MEF2C: variants seen among roughly 807,000 people sequenced by gnomAD.
MEF2C encodes the protein myocyte-specific enhancer factor 2C.
In MEF2C, 6 loss-of-function variants were observed where a neutral mutation model predicts 50.5. The observed-to-expected ratio is 0.12, with a 90% CI of 0.07 to 0.23. The LOEUF (loss-of-function observed/expected upper bound fraction) is 0.23. Ranked by LOEUF, MEF2C falls within the 10% of genes least tolerant of loss-of-function variation. The pLI, the probability that MEF2C is intolerant of heterozygous loss-of-function variation, is 1.00. For missense variants in MEF2C, 276 were observed against 605.0 expected, an observed-to-expected ratio of 0.46 and a Z score of 5.70; for synonymous variants, 183 against 228.0, an observed-to-expected ratio of 0.80 and a Z score of 1.78.
upstream of MEF2C, chr5:88,884,675 C>T (rs1464199991): frequency 6.7e-6 from 1 of 149,984 alleles, no homozygotes; most frequent in Non-Finnish European, 1.5e-5. Context: ...CATTAGGCTA[C>T]CCTAGCCGAT....
chr5:88,743,753 A>C, intron 6 of MEF2C: 1 of 985,384 alleles, frequency 1.0e-6, no homozygotes, highest in Non-Finnish European at 1.2e-6. Flanking sequence ...TGCCACCATC[A>C]ACTCTCCATG....
intron 6 of MEF2C, chr5:88,737,784 A>G (rs1485882224): frequency 1.1e-5 from 11 of 985,436 alleles, no homozygotes; most frequent in Non-Finnish European, 1.3e-5. Flanking sequence ...AAGTTGAAAA[A>G]GAAGGCTTGG....
chr5:88,876,834 T>C (rs1185116929), intron 1 of MEF2C, among the ~76,000 whole-genome samples: 1 of 151,982 alleles, frequency 6.6e-6, no homozygotes, highest in Admixed American at 6.6e-5. Context: ...CCATAGTATC[T>C]GAGAGCAATT....
At chr5:88,744,647 T>A (rs927180316) in intron 6 of MEF2C, among the ~76,000 whole-genome samples, 2 of 152,250 alleles carry the variant, frequency 1.3e-5, no homozygotes, top group Non-Finnish European at 2.9e-5. Flanking sequence ...AAGTAGTGGA[T>A]GAATAACCAT....
intron 6 of MEF2C, chr5:88,740,669 C>T (rs663046): frequency 0.57 from 554,945 of 982,196 alleles, 159,497 homozygotes; most frequent in East Asian, 0.59. Flanking sequence ...AATCTGATGT[C>T]TCCAGTACAA....
intron 1 of MEF2C, among the ~76,000 whole-genome samples, chr5:88,894,606 A>G (rs1185125870): frequency 3.3e-5 from 5 of 152,236 alleles, no homozygotes; most frequent in African/African-American, 1.2e-4. Flanking sequence ...AGCCAAATGT[A>G]GTAAACAGGA....
chr5:88,823,407 T>C (rs1188249067), intron 2 of MEF2C, among the ~76,000 whole-genome samples: 1 of 151,982 alleles, frequency 6.6e-6, no homozygotes, highest in Non-Finnish European at 1.5e-5. Flanking sequence ...ATATCTTTGT[T>C]TGATGATGCG....
chr5:88,775,585 CAAATT>C (rs1175490951), intron 3 of MEF2C, among the ~76,000 whole-genome samples: 2 of 151,922 alleles, frequency 1.3e-5, no homozygotes, highest in South Asian at 2.1e-4. Context: ...TTTATGTTTC[CAAATT>C]AAATTAATAA....
rs1053127005 is a variant in MEF2C, at chr5:88,728,588, C to G, written c.1005G>C (p.Gly335=). The part of the protein sequence containing the change: ...LSSADLSSLS[G]FNTASALHLG... The stretch of plus-strand genomic sequence containing the variant: ...GGTGAAGAGCGCTGGCGGTGTTAAA[C>G]CCAGACAGAGATGACAGGTCTGCAC... Residue 335 remains glycine, a synonymous_variant, in exon 10 of 11, where the codon GGG becomes GGC. Transcript: ENST00000504921. 1 of 1,530,264 alleles carries G rather than the reference C, an allele frequency of 6.5e-7. No homozygotes were observed. Among genetic ancestry groups the G allele is most frequent in the Non-Finnish European group, 8.8e-7 (1 of 1,134,968 alleles). The allele number at this position is 1,530,264 out of a possible 1,614,324, so 94.8% of individuals were successfully genotyped here.
intron 1 of MEF2C, among the ~76,000 whole-genome samples, chr5:88,876,853 T>G (rs1396137135): frequency 6.6e-6 from 1 of 152,016 alleles, no homozygotes; most frequent in Non-Finnish European, 1.5e-5. Flanking sequence ...TTTATATGAA[T>G]TCTTCATGTG....
chr5:88,872,840 G>A (rs181047317), intron 1 of MEF2C, among the ~76,000 whole-genome samples: 5 of 152,016 alleles, frequency 3.3e-5, no homozygotes, highest in Admixed American at 2.0e-4. Context: ...AGTTTTGGTC[G>A]TTGTTCTTAA....
At chr5:88,740,177 T>C (rs1316080736) in intron 6 of MEF2C, 7 of 985,048 alleles carry the variant, frequency 7.1e-6, no homozygotes, top group East Asian at 1.1e-4. Context: ...AGGAATTTCA[T>C]ATCTAGCCTA....
At chr5:88,827,752 T>C (rs1811481252) in intron 1 of MEF2C, among the ~76,000 whole-genome samples, 1 of 151,778 alleles carries the variant, frequency 6.6e-6, no homozygotes, top group Non-Finnish European at 1.5e-5. Flanking sequence ...AATGCAGTCA[T>C]ATAATTGGAA....
At chr5:88,817,941 GAA>G in intron 2 of MEF2C, 1 of 151,772 alleles carries the variant, frequency 6.6e-6, no homozygotes, top group East Asian at 1.9e-4. Context: ...ATTGTTTGTA[GAA>G]AGAGTCATAT....
chr5:88,795,384 G>A (rs1172624931), intron 3 of MEF2C, among the ~76,000 whole-genome samples: 2 of 152,036 alleles, frequency 1.3e-5, no homozygotes, highest in Non-Finnish European at 2.9e-5. Flanking sequence ...GTAATCCTAG[G>A]TATTTTATTA....
At chr5:88,827,589 C>T (rs544881824) in intron 1 of MEF2C, among the ~76,000 whole-genome samples, 11 of 151,818 alleles carry the variant, frequency 7.2e-5, no homozygotes, top group African/African-American at 2.7e-4. Context: ...CTTTAAAACA[C>T]CTGAGAAAAA....
At chr5:88,734,968 T>C (rs764024937) in intron 6 of MEF2C, 10 of 985,264 alleles carry the variant, frequency 1.0e-5, no homozygotes, top group Non-Finnish European at 1.1e-5. Context: ...TTTCTGCTGT[T>C]TTTAGCATAT....
intron 6 of MEF2C, chr5:88,740,027 A>G (rs923772213): frequency 1.0e-5 from 10 of 985,214 alleles, no homozygotes; most frequent in Non-Finnish European, 1.2e-5. Context: ...ATTTTGTGGT[A>G]TATTCTTAGA....
intron 3 of MEF2C, among the ~76,000 whole-genome samples, chr5:88,784,745 T>C (rs976101449): frequency 7.9e-5 from 12 of 152,214 alleles, no homozygotes; most frequent in African/African-American, 2.9e-4. Context: ...TTAAAAAGTA[T>C]TCATGTAAAA....
Sources: allele counts gnomAD v4.1 joint callset (sites outside exome capture counted in the v4.1 genomes callset), GRCh38; gene constraint gnomAD v4.1.1; transcripts MANE v1.5; gene names NCBI Gene and HGNC (gene_info 2026-07-23, HGNC 2026-07-21).